Variants in SERGEF observed in about 807,000 individuals in gnomAD.
The protein encoded by SERGEF is secretion-regulating guanine nucleotide exchange factor.
Under a neutral mutation model 50.0 loss-of-function variants are expected in SERGEF, and 51 were observed. That is an observed-to-expected ratio of 1.02 (90% confidence interval 0.81 to 1.29). The LOEUF (loss-of-function observed/expected upper bound fraction) is 1.29. SERGEF is among the 50% of genes most tolerant of loss of function. SERGEF has a pLI of 0.00. For missense variants in SERGEF, 521 were observed against 557.0 expected, an observed-to-expected ratio of 0.94 and a Z score of 0.65; for synonymous variants, 205 against 212.4, an observed-to-expected ratio of 0.97 and a Z score of 0.30.
rs187597510 is a variant in SERGEF, at chr11:17,802,981, G to C, written c.1049-14568C>G. Among the ~76,000 whole-genome samples the C allele has an allele frequency of 9.8e-5, 15 of 152,360 alleles. No homozygotes were observed. The East Asian group carries it at 2.9e-3, about 29-fold the overall frequency. On this transcript the variant is annotated intron_variant, in intron 10 of 10. Transcript: ENST00000265965. The stretch of plus-strand genomic sequence containing the variant: ...TATCTCCAGCACTTAGAAAAGGTAT[G>C]AGTATATAAAAGGTGCTCAATAAAT...
intron 4 of SERGEF, chr11:18,002,131 T>C: frequency 2.4e-6 from 1 of 408,742 alleles, no homozygotes; most frequent in South Asian, 1.8e-5. Flanking sequence ...TTTGAACATA[T>C]TGTCCTTTAT....
chr11:18,003,548 T>C (rs371109556), intron 4 of SERGEF, among the ~76,000 whole-genome samples: 172 of 152,316 alleles, frequency 1.1e-3, no homozygotes, highest in African/African-American at 3.7e-3. Context: ...ATAATTTTTA[T>C]ACTGAATTAG....
intron 8 of SERGEF, among the ~76,000 whole-genome samples, chr11:17,979,757 G>T (rs1040060245): frequency 6.6e-6 from 1 of 152,086 alleles, no homozygotes; most frequent in African/African-American, 2.4e-5. Context: ...CTTTAACTAG[G>T]TCGCTTGCTT....
chr11:17,998,508 TTA>T lies in SERGEF; in HGVS notation c.508+1987_508+1988del, dbSNP rs1342168950. ...ATATATGCATGTGTGAGTGTGTGTG[TTA>T]TATATATATATGTTTATATGTGTGT... On this transcript the variant is annotated intron_variant, in intron 5 of 10. Coordinates refer to ENST00000265965, the MANE Select transcript of SERGEF (RefSeq NM_012139.4). 3.5e-5 allele frequency among the ~76,000 whole-genome samples: 3 copies of T among 86,728 alleles called. 1 individual carries two copies. The highest frequency in any genetic ancestry group is 6.6e-5 in the Non-Finnish European group (3 of 45,570). The allele number at this position is 86,728 out of a possible 152,430, so 56.9% of individuals were successfully genotyped here.
intron 10 of SERGEF, among the ~76,000 whole-genome samples, chr11:17,834,385 C>T (rs1035974953): frequency 2.0e-5 from 3 of 152,224 alleles, no homozygotes; most frequent in East Asian, 1.9e-4. Context: ...TGCTCAGTCT[C>T]GGGTATATCT....
intron 10 of SERGEF, among the ~76,000 whole-genome samples, chr11:17,860,808 A>G (rs1850912554): frequency 6.6e-6 from 1 of 152,212 alleles, no homozygotes; most frequent in Non-Finnish European, 1.5e-5. Flanking sequence ...AAGAATACAG[A>G]AGCGTATGTA....
chr11:17,930,650 G>A (rs1852335418), intron 9 of SERGEF, among the ~76,000 whole-genome samples: 8 of 152,198 alleles, frequency 5.3e-5, no homozygotes, highest in Admixed American at 5.2e-4. Context: ...AGTAAGCTTA[G>A]TTAGACCAGT....
chr11:17,989,593 C>T (rs1447156310), intron 7 of SERGEF, among the ~76,000 whole-genome samples: 1 of 152,208 alleles, frequency 6.6e-6, no homozygotes, highest in Non-Finnish European at 1.5e-5. Flanking sequence ...TAAATGAAAG[C>T]CATACAAAAT....
At chr11:17,851,112 C>T (rs1850702931) in intron 10 of SERGEF, among the ~76,000 whole-genome samples, 1 of 152,218 alleles carries the variant, frequency 6.6e-6, no homozygotes, top group South Asian at 2.1e-4. Flanking sequence ...GAAACTGTCA[C>T]AATTACTATG....
chr11:17,879,588 T>G (rs1276933630), intron 9 of SERGEF, among the ~76,000 whole-genome samples: 1 of 152,198 alleles, frequency 6.6e-6, no homozygotes, highest in African/African-American at 2.4e-5. Context: ...GATTCCTTAT[T>G]GAATGAGATC....
chr11:17,832,391 C>T (rs187755223), intron 10 of SERGEF, among the ~76,000 whole-genome samples: 9 of 152,322 alleles, frequency 5.9e-5, no homozygotes, highest in Non-Finnish European at 4.4e-5. Context: ...TGAGGCCTCC[C>T]CAGCCACGTG....
chr11:18,012,808 C>T (rs761129918), intron 1 of SERGEF, 143 bp downstream of exon 1: 11 of 1,507,890 alleles, frequency 7.3e-6, no homozygotes, highest in Non-Finnish European at 9.7e-6. Context: ...GCTCCCCCTC[C>T]GCTCCCAGCC....
chr11:17,951,446 G>C, intron 9 of SERGEF, among the ~76,000 whole-genome samples: 1 of 152,292 alleles, frequency 6.6e-6, no homozygotes, highest in South Asian at 2.1e-4. Flanking sequence ...CACGCTCTAC[G>C]TTTAAGACTC....
intron 10 of SERGEF, chr11:17,877,920 C>T (rs1851266967): frequency 6.7e-6 from 2 of 298,506 alleles, no homozygotes; most frequent in African/African-American, 2.2e-5. Flanking sequence ...TGGCTTTCTA[C>T]ACATGGTGCC....
chr11:17,812,961 C>T (rs1849901598), intron 10 of SERGEF, among the ~76,000 whole-genome samples: 1 of 152,200 alleles, frequency 6.6e-6, no homozygotes, highest in African/African-American at 2.4e-5. Flanking sequence ...TCCTCTCCGA[C>T]ATCAGATCTG....
intron 5 of SERGEF, among the ~76,000 whole-genome samples, 194 bp from the exon 6 acceptor site, chr11:17,996,103 C>T (rs1315483168): frequency 6.6e-6 from 1 of 152,224 alleles, no homozygotes; most frequent in Non-Finnish European, 1.5e-5. Flanking sequence ...CAAATCCAGT[C>T]TTCAGGACAG....
intron 9 of SERGEF, among the ~76,000 whole-genome samples, chr11:17,899,707 C>G (rs910768758): frequency 6.6e-6 from 1 of 152,086 alleles, no homozygotes; most frequent in Non-Finnish European, 1.5e-5. Context: ...AATCCCAGCA[C>G]TTTGGGAGGC....
At chr11:17,912,291 C>G (rs1590193436) in intron 9 of SERGEF, among the ~76,000 whole-genome samples, 1 of 152,174 alleles carries the variant, frequency 6.6e-6, no homozygotes, top group Non-Finnish European at 1.5e-5. Flanking sequence ...AATGATGACA[C>G]TGTATAAAAA....
At chr11:17,803,917 T>G (rs1385202870) in intron 10 of SERGEF, among the ~76,000 whole-genome samples, 3 of 152,200 alleles carry the variant, frequency 2.0e-5, no homozygotes, top group Non-Finnish European at 4.4e-5. Flanking sequence ...CACAAGCCAC[T>G]AAGCATTGCT....
Sources: allele counts gnomAD v4.1 joint callset (sites outside exome capture counted in the v4.1 genomes callset), GRCh38; gene constraint gnomAD v4.1.1; transcripts MANE v1.5; gene names NCBI Gene and HGNC (gene_info 2026-07-23, HGNC 2026-07-21).